Variants in FAM13A observed in about 807,000 individuals in gnomAD.
The protein encoded by FAM13A is protein FAM13A.
In FAM13A, 76 loss-of-function variants were observed where a neutral mutation model predicts 129.6. The ratio of observed to expected loss-of-function variants is 0.59; its 90% CI spans 0.49 to 0.71. FAM13A has a LOEUF of 0.71. Ranked by LOEUF, FAM13A falls within the 30% of genes least tolerant of loss-of-function variation. The pLI is 0.00. For missense variants in FAM13A, 1,108 were observed against 1,249.3 expected (o/e 0.89, Z 1.70); for synonymous variants, 443 against 449.9 (o/e 0.98, Z 0.20).
intron 21 of FAM13A, among the ~76,000 whole-genome samples, chr4:88,733,403 CTT>C (rs1446240895): frequency 6.6e-6 from 1 of 152,196 alleles, no homozygotes; most frequent in African/African-American, 2.4e-5. Flanking sequence ...CCTTGAGTCT[CTT>C]TAAATTGTTA....
At chr4:88,753,731 G>T in intron 14 of FAM13A, 2 of 378,172 alleles carry the variant, frequency 5.3e-6, no homozygotes, top group Non-Finnish European at 7.3e-6. Flanking sequence ...ATAACTAAGG[G>T]ATCAATAAAA....
rs146725461 is a variant in FAM13A at position 88,863,105 on chromosome 4, T to G, written c.844-11922A>C. On this transcript the variant is annotated intron_variant, in intron 6 of 23. Transcript: ENST00000264344. ...AGTGCCTTTTTGCATATTAATGAGA[T>G]GATTTGAGGCTGAAAACTGCTAGAG... 2.7e-3 allele frequency among the ~76,000 whole-genome samples: 411 copies of G among 151,976 alleles called. 2 individuals are homozygous for G. The highest frequency in any genetic ancestry group is 9.1e-3 in the African/African-American group (378 of 41,450).
chr4:88,874,505 C>A (rs1742020661), intron 6 of FAM13A, among the ~76,000 whole-genome samples: 1 of 151,980 alleles, frequency 6.6e-6, no homozygotes. Flanking sequence ...AACAGGCAAA[C>A]AGAGAGCCAA....
At chr4:88,966,728 C>T (rs952588250) in intron 4 of FAM13A, among the ~76,000 whole-genome samples, 2 of 152,132 alleles carry the variant, frequency 1.3e-5, no homozygotes, top group African/African-American at 4.8e-5. Context: ...TTAATAGCCT[C>T]TTCCAATGAA....
At position 88,757,934 on chromosome 4, in the gene FAM13A, T is replaced by C. The variant is rs116626668; in HGVS notation, c.1726+820A>G. 3.8e-3 allele frequency among the ~76,000 whole-genome samples: 582 copies of C among 152,332 alleles called. 6 individuals are homozygous for C. The highest frequency in any genetic ancestry group is 0.014 in the African/African-American group (563 of 41,568). Reference sequence around the variant, plus strand: ...AAGTCATTGTGTTAAGTCATCCTGCTGTATTGGAATCAGGTGCACAATTTT... The same window carrying C: ...AAGTCATTGTGTTAAGTCATCCTGCCGTATTGGAATCAGGTGCACAATTTT... On this transcript the variant is annotated intron_variant, in intron 14 of 23. Transcript: ENST00000264344.
Position 88,831,718 on chromosome 4 carries a change from C to T in FAM13A, c.1007+19302G>A, listed in dbSNP as rs1469052056. On this transcript the variant is annotated intron_variant, in intron 7 of 23. Coordinates refer to ENST00000264344, the MANE Select transcript of FAM13A (RefSeq NM_014883.4). ...TGAAGGACCTCTTCAAGGAGAAGTA[C>T]AAACCACTGCTCAAAGAAATCAGAA... Among the ~76,000 whole-genome samples, 8 of 152,092 alleles carry T rather than the reference C, an allele frequency of 5.3e-5. No homozygotes were observed. In the South Asian group the frequency reaches 1.2e-3, roughly 24 times the overall value.
At chr4:88,954,542 C>G (rs1757441135) in intron 4 of FAM13A, among the ~76,000 whole-genome samples, 1 of 152,108 alleles carries the variant, frequency 6.6e-6, no homozygotes, top group Non-Finnish European at 1.5e-5. Flanking sequence ...CAGGCTTAAA[C>G]ACCTATACAA....
chr4:88,936,876 T>C lies in FAM13A; in HGVS notation c.759+1212A>G, dbSNP rs922083303. On this transcript the variant is annotated intron_variant, in intron 5 of 23. Coordinates refer to ENST00000264344, the MANE Select transcript of FAM13A (RefSeq NM_014883.4). ...TGGGGTATATGTGATTGAGAGATGC[T>C]GCTGAAACAAAGTTAATTACCTTTT... 1.5e-4 allele frequency: 23 copies of C among 152,320 alleles called. No individual in the cohort carries two copies. The East Asian group carries it at 4.2e-3, about 28-fold the overall frequency. 9.4% of individuals were successfully genotyped at this position (152,320 alleles called of 1,614,324 possible). A position where few individuals can be genotyped will look rare whatever the true frequency, so the allele number is the denominator to read the frequency against.
At chr4:88,867,750 A>G (rs1428927965) in intron 6 of FAM13A, among the ~76,000 whole-genome samples, 2 of 152,248 alleles carry the variant, frequency 1.3e-5, no homozygotes, top group Admixed American at 1.3e-4. Flanking sequence ...ACTTCAACAA[A>G]TTTATATATA....
intron 6 of FAM13A, among the ~76,000 whole-genome samples, chr4:88,882,472 G>A (rs1402693903): frequency 6.6e-6 from 1 of 151,856 alleles, no homozygotes; most frequent in Non-Finnish European, 1.5e-5. Flanking sequence ...ACAATGCTGA[G>A]ATAATTCACC....
chr4:88,737,222 C>T (rs1019596360), intron 21 of FAM13A, among the ~76,000 whole-genome samples: 9 of 151,972 alleles, frequency 5.9e-5, no homozygotes, highest in African/African-American at 1.9e-4. Context: ...AAAACAACAA[C>T]AGACAATACA....
At chr4:88,955,642 C>G (rs748831325) in intron 4 of FAM13A, among the ~76,000 whole-genome samples, 9 of 152,036 alleles carry the variant, frequency 5.9e-5, no homozygotes, top group African/African-American at 9.7e-5. Flanking sequence ...ATGGCTTTGA[C>G]CAAAATGCTG....
Position 88,799,695 on chromosome 4 carries a change from C to T in FAM13A, c.1049+5316G>A, listed in dbSNP as rs564306701. On this transcript the variant is annotated intron_variant, in intron 8 of 23. Coordinates refer to ENST00000264344, the MANE Select transcript of FAM13A (RefSeq NM_014883.4). ...AGACTGGGTTTCACCATATTGTCCA[C>T]GATGGTCTCGATCTCCTGACCTTGT... Among the ~76,000 whole-genome samples, 23 of 152,222 alleles carry T rather than the reference C, an allele frequency of 1.5e-4. No individual in the cohort carries two copies. The East Asian group carries it at 2.3e-3, about 15-fold the overall frequency.
chr4:88,816,490 C>A (rs1730760704), intron 7 of FAM13A, among the ~76,000 whole-genome samples: 1 of 152,144 alleles, frequency 6.6e-6, no homozygotes. Flanking sequence ...CTGCTACGTG[C>A]CTAACATAAA....
At chr4:88,851,310 A>T in intron 6 of FAM13A, 127 bp from the exon 7 acceptor site, 4 of 738,382 alleles carry the variant, frequency 5.4e-6, no homozygotes, top group Non-Finnish European at 8.4e-6. Flanking sequence ...CCCCAGAAAA[A>T]TATCAAGCTA....
chr4:88,822,005 G>A (rs530721431), intron 7 of FAM13A, among the ~76,000 whole-genome samples: 1 of 152,100 alleles, frequency 6.6e-6, no homozygotes. Flanking sequence ...TTGTGGCATG[G>A]TTTTTAAAAA....
At chr4:89,049,267 A>C (rs1402328486) in intron 1 of FAM13A, among the ~76,000 whole-genome samples, 2 of 152,166 alleles carry the variant, frequency 1.3e-5, no homozygotes, top group East Asian at 1.9e-4. Flanking sequence ...TAACTCAAAA[A>C]AAAAAAATTA....
Position 88,913,019 on chromosome 4 carries a change from GGAGGAA to G in FAM13A, c.760-6563_760-6558del, listed in dbSNP as rs113071695. On this transcript the variant is annotated intron_variant, in intron 5 of 23. Transcript: ENST00000264344. ...GAAAGAAGGAAGAAGAGGAGGAGGAGGAGGAAGAAGAAGAAGAAGAAGTAGTAGAAG... is the reference window on the plus strand; with the variant it reads ...GAAAGAAGGAAGAAGAGGAGGAGGAGGAAGAAGAAGAAGAAGTAGTAGAAG... 6.7e-3 allele frequency among the ~76,000 whole-genome samples: 954 copies of G among 141,556 alleles called. 10 individuals are homozygous for G. The highest frequency in any genetic ancestry group is 0.023 in the African/African-American group (911 of 38,838). The allele number at this position is 141,556 out of a possible 152,430, so 92.9% of individuals were successfully genotyped here.
chr4:88,971,186 C>T (rs761662484), intron 4 of FAM13A, among the ~76,000 whole-genome samples: 1 of 152,248 alleles, frequency 6.6e-6, no homozygotes, highest in African/African-American at 2.4e-5. Flanking sequence ...CCACTGCACT[C>T]CAGCCTGGGC....
Sources: gnomAD v4.1 joint callset for allele counts (sites outside exome capture counted in the v4.1 genomes callset) on GRCh38, gnomAD v4.1.1 for gene constraint, MANE v1.5 for transcripts, NCBI Gene and HGNC (gene_info 2026-07-23, HGNC 2026-07-21) for gene names.